The following CDH12 variants were observed in gnomAD, a reference collection of about 807,000 sequenced individuals.
CDH12 encodes cadherin 12.
In CDH12, 41 loss-of-function variants were observed where a neutral mutation model predicts 74.1. That is an observed-to-expected ratio of 0.55 (90% CI 0.43 to 0.72). The LOEUF is 0.72. CDH12 is among the 30% of genes least tolerant of loss of function. The probability of loss-of-function intolerance (pLI) is 0.00; values close to 1 mark genes in which losing one functional copy is unlikely to be tolerated. For missense variants in CDH12, 945 were observed against 977.2 expected (o/e 0.97, Z 0.44); for synonymous variants, 399 against 355.0 (o/e 1.12, Z -1.39).
At chr5:22,696,628 A>G (rs1196537749) in intron 1 of CDH12, among the ~76,000 whole-genome samples, 1 of 152,152 alleles carries the variant, frequency 6.6e-6, no homozygotes, top group East Asian at 1.9e-4. Flanking sequence ...TTTTATTCAC[A>G]TAACCATAGG....
At chr5:22,352,760 G>A (rs568054746) in intron 3 of CDH12, among the ~76,000 whole-genome samples, 44 of 152,250 alleles carry the variant, frequency 2.9e-4, no homozygotes, top group African/African-American at 9.9e-4. Flanking sequence ...AGAACAATGC[G>A]AAACCCTCTG....
At chr5:22,570,711 T>C (rs1482047461) in intron 1 of CDH12, among the ~76,000 whole-genome samples, 2 of 152,196 alleles carry the variant, frequency 1.3e-5, no homozygotes, top group African/African-American at 4.8e-5. Context: ...GAGCATTGGC[T>C]TCAACTTAAA....
At chr5:22,237,709 GAAAC>G (rs1288122991) in intron 3 of CDH12, among the ~76,000 whole-genome samples, 4 of 152,088 alleles carry the variant, frequency 2.6e-5, no homozygotes, top group Non-Finnish European at 4.4e-5. Context: ...ATTTAAGAGA[GAAAC>G]AACTTATGAA....
chr5:22,690,748 G>T (rs1344903052), intron 1 of CDH12, among the ~76,000 whole-genome samples: 1 of 152,088 alleles, frequency 6.6e-6, no homozygotes, highest in African/African-American at 2.4e-5. Flanking sequence ...ACCTTTAGGG[G>T]TATTATAAAA....
intron 5 of CDH12, among the ~76,000 whole-genome samples, chr5:22,048,987 TTA>T (rs1420742657): frequency 3.3e-5 from 5 of 152,106 alleles, no homozygotes; most frequent in Non-Finnish European, 5.9e-5. Flanking sequence ...TTTTTATTAT[TTA>T]TGAGTTATAC....
chr5:22,601,010 C>T (rs1561520346), intron 1 of CDH12, among the ~76,000 whole-genome samples: 1 of 152,056 alleles, frequency 6.6e-6, no homozygotes, highest in African/African-American at 2.4e-5. Flanking sequence ...CAGGGTAGAA[C>T]TGGCCACTGA....
At position 22,270,246 on chromosome 5, in the gene CDH12, T is replaced by C. The variant is rs571504887; in HGVS notation, c.-332-57603A>G. Among the ~76,000 whole-genome samples the C allele has an allele frequency of 7.2e-5, 11 of 152,296 alleles. No homozygotes were observed. In the South Asian group the frequency reaches 2.1e-3, roughly 29 times the overall value. ...TTGTATTCACATCTATTGCTATTACTAAAACTAATACTAACTTGAAGTATA... is the reference window on the plus strand; with the variant it reads ...TTGTATTCACATCTATTGCTATTACCAAAACTAATACTAACTTGAAGTATA... On this transcript the variant is annotated intron_variant, in intron 3 of 14. Coordinates refer to ENST00000382254, the MANE Select transcript of CDH12 (RefSeq NM_004061.5).
At chr5:22,350,293 A>G (rs748856967) in intron 3 of CDH12, among the ~76,000 whole-genome samples, 3 of 152,210 alleles carry the variant, frequency 2.0e-5, no homozygotes, top group Non-Finnish European at 4.4e-5. Flanking sequence ...ATTCTTAAAT[A>G]TTATAGAAGC....
intron 5 of CDH12, among the ~76,000 whole-genome samples, chr5:21,983,982 T>G (rs545252186): frequency 9.5e-4 from 144 of 152,302 alleles, no homozygotes; most frequent in African/African-American, 3.1e-3. Flanking sequence ...CTAATTAGTC[T>G]GTGTTTGTGT....
chr5:22,763,996 C>A (rs770378391), intron 1 of CDH12, among the ~76,000 whole-genome samples: 3 of 151,808 alleles, frequency 2.0e-5, no homozygotes, highest in Non-Finnish European at 4.4e-5. Context: ...TTGTGGAATA[C>A]ATTTTTATAC....
intron 1 of CDH12, among the ~76,000 whole-genome samples, chr5:22,804,385 T>G (rs1748680137): frequency 6.6e-6 from 1 of 151,888 alleles, no homozygotes; most frequent in Non-Finnish European, 1.5e-5. Context: ...ATTCTGCCTG[T>G]GAGAGAGAGA....
chr5:22,799,034 T>G (rs1427952087), intron 1 of CDH12, among the ~76,000 whole-genome samples: 2 of 152,134 alleles, frequency 1.3e-5, no homozygotes, highest in South Asian at 4.1e-4. Context: ...GGAGGATGGC[T>G]TGAGCCTGGG....
At chr5:22,363,412 T>C (rs915397222) in intron 3 of CDH12, among the ~76,000 whole-genome samples, 1 of 152,136 alleles carries the variant, frequency 6.6e-6, no homozygotes, top group South Asian at 2.1e-4. Flanking sequence ...CAAACAACCA[T>C]TAAATTATAT....
chr5:22,756,875 C>T (rs1375326278), intron 1 of CDH12, among the ~76,000 whole-genome samples: 4 of 151,744 alleles, frequency 2.6e-5, no homozygotes, highest in Non-Finnish European at 5.9e-5. Context: ...CAGAGAATTG[C>T]TTGAACCCGG....
intron 9 of CDH12, among the ~76,000 whole-genome samples, chr5:21,806,689 C>A (rs1747444516): frequency 6.6e-6 from 1 of 152,128 alleles, no homozygotes; most frequent in African/African-American, 2.4e-5. Context: ...TTCAGCAAAC[C>A]TTTTGTGGCC....
At chr5:21,979,002 C>G (rs1248986565) in intron 5 of CDH12, among the ~76,000 whole-genome samples, 1 of 152,100 alleles carries the variant, frequency 6.6e-6, no homozygotes. Context: ...AGGAGGGCTA[C>G]AGATAAAAAG....
chr5:21,858,689 A>G (rs1750875831), intron 6 of CDH12, among the ~76,000 whole-genome samples: 1 of 151,944 alleles, frequency 6.6e-6, no homozygotes, highest in Non-Finnish European at 1.5e-5. Context: ...TTGAGAGACC[A>G]ACTCCTGAAA....
At chr5:22,471,840 C>T (rs1474196526) in intron 2 of CDH12, among the ~76,000 whole-genome samples, 4 of 152,140 alleles carry the variant, frequency 2.6e-5, no homozygotes, top group Non-Finnish European at 5.9e-5. Context: ...TATTTTACTC[C>T]AGATTGTGTT....
At chr5:22,784,801 T>C (rs1351406340) in intron 1 of CDH12, among the ~76,000 whole-genome samples, 1 of 152,186 alleles carries the variant, frequency 6.6e-6, no homozygotes, top group East Asian at 1.9e-4. Context: ...TTTTGAAATA[T>C]TAATTGTAAA....
Sources: gnomAD v4.1 joint callset for allele counts (sites outside exome capture counted in the v4.1 genomes callset) on GRCh38, gnomAD v4.1.1 for gene constraint, MANE v1.5 for transcripts, NCBI Gene and HGNC (gene_info 2026-07-23, HGNC 2026-07-21) for gene names.